Variants in MMP26 observed in about 807,000 individuals in gnomAD.
The protein encoded by MMP26 is matrix metalloproteinase-26.
Under a neutral mutation model 31.0 loss-of-function variants are expected in MMP26, and 33 were observed. That is an observed-to-expected ratio of 1.06 (90% CI 0.81 to 1.42). MMP26 has a LOEUF of 1.42. Ranked by LOEUF, MMP26 falls within the 40% of genes most tolerant of loss-of-function variation. The pLI is 0.00. For synonymous variants in MMP26, 122 were observed against 114.9 expected (o/e 1.06, Z -0.40); for missense variants, 347 against 316.1 (o/e 1.10, Z -0.74).
rs866469214 is a variant in MMP26, at chr11:4,807,847, C to T, written c.-145+40506C>T. 1.2e-4 allele frequency among the ~76,000 whole-genome samples: 19 copies of T among 152,084 alleles called. 1 individual carries two copies. The South Asian group carries it at 3.1e-3, about 25-fold the overall frequency. ...TGAGACATGCTTTCACTCTGTTGTC[C>T]AGGCTGGAGTGCAATGGTGTGATCA... On this transcript the variant is annotated intron_variant, in intron 2 of 7. Coordinates refer to ENST00000380390, the MANE Select transcript of MMP26 (RefSeq NM_021801.5).
chr11:4,794,911 C>A (rs1471929052), intron 2 of MMP26: 1 of 152,222 alleles, frequency 6.6e-6, no homozygotes, highest in Non-Finnish European at 1.5e-5. Context: ...ACGGTCAACA[C>A]CCTGCAAAAT....
At chr11:4,913,505 A>G (rs914931391) in intron 2 of MMP26, 7 of 152,130 alleles carry the variant, frequency 4.6e-5, no homozygotes, top group Non-Finnish European at 8.8e-5. Flanking sequence ...CCAAGCCCAA[A>G]CTGCAAATAC....
At chr11:4,803,631 G>A in intron 2 of MMP26, 2 of 1,613,988 alleles carry the variant, frequency 1.2e-6, no homozygotes, top group East Asian at 2.2e-5. Context: ...GAGCCAAGAT[G>A]ACACAGATAT....
At chr11:4,726,521 C>A (rs56725756) in intron 1 of MMP26, among the ~76,000 whole-genome samples, 99 of 151,862 alleles carry the variant, frequency 6.5e-4, no homozygotes, top group African/African-American at 2.4e-3. Context: ...ACCTTGACAG[C>A]ATTAAAATAA....
At chr11:4,979,317 G>T (rs1171453823) in intron 2 of MMP26, among the ~76,000 whole-genome samples, 1 of 152,092 alleles carries the variant, frequency 6.6e-6, no homozygotes, top group Non-Finnish European at 1.5e-5. Context: ...AAATCCCCAG[G>T]TTGGTTATTT....
At chr11:4,708,437 A>G (rs1190106850) in intron 1 of MMP26, among the ~76,000 whole-genome samples, 1 of 152,190 alleles carries the variant, frequency 6.6e-6, no homozygotes. Flanking sequence ...TGCAATGAAG[A>G]TAACTAAGTT....
At chr11:4,987,450 C>G (rs568917810) in intron 2 of MMP26, among the ~76,000 whole-genome samples, 10 of 150,182 alleles carry the variant, frequency 6.7e-5, no homozygotes, top group South Asian at 2.1e-4. Context: ...ACGGAGTCTC[C>G]CTCTGTCGCC....
chr11:4,826,327 C>T (rs1219883881), intron 2 of MMP26, among the ~76,000 whole-genome samples: 2 of 152,092 alleles, frequency 1.3e-5, no homozygotes, highest in African/African-American at 4.8e-5. Context: ...CCCACCTTCT[C>T]TGGATAAGTT....
chr11:4,742,320 C>T (rs748188727), intron 1 of MMP26, among the ~76,000 whole-genome samples: 4 of 152,026 alleles, frequency 2.6e-5, no homozygotes, highest in African/African-American at 4.8e-5. Flanking sequence ...TGGAATGCTA[C>T]GACAGCACAT....
At chr11:4,756,082 T>C (rs558896582) in intron 1 of MMP26, among the ~76,000 whole-genome samples, 219 of 152,036 alleles carry the variant, frequency 1.4e-3, no homozygotes, top group South Asian at 0.012. Flanking sequence ...AATAGCATCA[T>C]ATAGCATTAT....
chr11:4,724,143 G>A (rs1390875027), intron 1 of MMP26: 12 of 599,196 alleles, frequency 2.0e-5, no homozygotes, highest in East Asian at 1.9e-4. Flanking sequence ...TGGACACCTC[G>A]TAGGACTTCT....
chr11:4,848,984 A>T (rs769272480), intron 2 of MMP26: 2 of 1,614,196 alleles, frequency 1.2e-6, no homozygotes, highest in Non-Finnish European at 1.7e-6. Context: ...TATCAGACAC[A>T]CTAAGCAAGA....
At chr11:4,847,989 C>A (rs1045753230) in intron 2 of MMP26, 2 of 456,380 alleles carry the variant, frequency 4.4e-6, no homozygotes, top group Non-Finnish European at 3.9e-6. Flanking sequence ...ATAGTTGTGA[C>A]AAGATCTGGA....
intron 2 of MMP26, chr11:4,946,760 G>A (rs573423576): frequency 6.3e-7 from 1 of 1,588,426 alleles, no homozygotes; most frequent in African/African-American, 1.4e-5. Flanking sequence ...GAGGACTGAG[G>A]ACTCCAGTAC....
chr11:4,840,520 CGA>C (rs1564791698), intron 2 of MMP26, among the ~76,000 whole-genome samples: 1 of 152,180 alleles, frequency 6.6e-6, no homozygotes, highest in African/African-American at 2.4e-5. Context: ...GGGAAGAGAA[CGA>C]GAGTCTCTGC....
chr11:4,727,061 G>C (rs1448382742), intron 1 of MMP26, among the ~76,000 whole-genome samples: 1 of 151,976 alleles, frequency 6.6e-6, no homozygotes, highest in African/African-American at 2.4e-5. Flanking sequence ...AAACAAGTAA[G>C]ACTTTCTATT....
intron 2 of MMP26, among the ~76,000 whole-genome samples, chr11:4,839,306 G>A (rs1849762687): frequency 6.6e-6 from 1 of 151,884 alleles, no homozygotes; most frequent in African/African-American, 2.4e-5. Flanking sequence ...TGCTGAACTG[G>A]TCCAGAGACA....
intron 2 of MMP26, chr11:4,860,560 G>A (rs1431678994): frequency 8.7e-6 from 4 of 461,686 alleles, no homozygotes; most frequent in African/African-American, 2.0e-5. Flanking sequence ...ATTCAAGTTC[G>A]TCATGTTGTT....
chr11:4,884,798 A>T (rs564812892), intron 2 of MMP26, among the ~76,000 whole-genome samples: 1 of 152,248 alleles, frequency 6.6e-6, no homozygotes, highest in Admixed American at 6.5e-5. Flanking sequence ...GTCATAATTT[A>T]TTGGCTAAAA....
Sources: gnomAD v4.1 joint callset for allele counts (sites outside exome capture counted in the v4.1 genomes callset) on GRCh38, gnomAD v4.1.1 for gene constraint, MANE v1.5 for transcripts, NCBI Gene and HGNC (gene_info 2026-07-23, HGNC 2026-07-21) for gene names.